RBFOX1: variants seen among roughly 807,000 people sequenced by gnomAD.
The protein encoded by RBFOX1 is RNA binding fox-1 homolog 1.
Under a neutral mutation model 57.7 loss-of-function variants are expected in RBFOX1, and 8 were observed. That is an observed-to-expected ratio of 0.14 (90% CI 0.08 to 0.25). The LOEUF is 0.25. Ranked by LOEUF, RBFOX1 falls within the 10% of genes least tolerant of loss-of-function variation. The probability of loss-of-function intolerance (pLI) is 1.00; values close to 1 mark genes in which losing one functional copy is unlikely to be tolerated. For synonymous variants in RBFOX1, 326 were observed against 222.4 expected, an observed-to-expected ratio of 1.47 and a Z score of -4.15; for missense variants, 611 against 548.5, an observed-to-expected ratio of 1.11 and a Z score of -1.14.
At chr16:7,300,524 C>G (rs960752551) in intron 4 of RBFOX1, among the ~76,000 whole-genome samples, 6 of 152,148 alleles carry the variant, frequency 3.9e-5, no homozygotes, top group African/African-American at 1.2e-4. Flanking sequence ...TGAGCTAACC[C>G]CAGTATAGAT....
At chr16:7,226,919 C>T (rs934156280) in intron 4 of RBFOX1, among the ~76,000 whole-genome samples, 5 of 152,110 alleles carry the variant, frequency 3.3e-5, no homozygotes, top group Non-Finnish European at 4.4e-5. Context: ...ATCTGTGTGT[C>T]TATATGTATG....
chr16:7,530,694 C>T (rs546881432), intron 5 of RBFOX1, among the ~76,000 whole-genome samples: 1 of 152,120 alleles, frequency 6.6e-6, no homozygotes, highest in Non-Finnish European at 1.5e-5. Flanking sequence ...AATGTGGAGC[C>T]TGCCAAATTG....
rs1049449642 is a variant in RBFOX1 at position 6,023,593 on chromosome 16, C to T, written c.-127+3601C>T. ...TTTGACACAGAAAATACTTTGGAGA[C>T]GCAGCGATTTCCCAGTGGCGTGTAA... On this transcript the variant is annotated intron_variant, in intron 1 of 15. Transcript: ENST00000550418. 1.1e-4 allele frequency among the ~76,000 whole-genome samples: 16 copies of T among 152,260 alleles called. No individual in the cohort carries two copies. In the East Asian group the frequency reaches 1.7e-3, roughly 17 times the overall value.
At chr16:7,626,435 C>A (rs1279296980) in intron 10 of RBFOX1, among the ~76,000 whole-genome samples, 1 of 152,194 alleles carries the variant, frequency 6.6e-6, no homozygotes, top group Non-Finnish European at 1.5e-5. Context: ...GGCTGTGGGA[C>A]ATCTTGCCAG....
chr16:6,391,556 T>C (rs975508798), intron 2 of RBFOX1, among the ~76,000 whole-genome samples: 2 of 151,944 alleles, frequency 1.3e-5, no homozygotes, highest in Non-Finnish European at 2.9e-5. Flanking sequence ...GATTCACATT[T>C]TTAAAGATCA....
At chr16:5,366,774 T>C in intron 1 of RBFOX1, 1 of 282,806 alleles carries the variant, frequency 3.5e-6, no homozygotes, top group South Asian at 3.9e-5. Flanking sequence ...CTTTTTGTAA[T>C]GCAGAGTGAT....
intron 2 of RBFOX1, among the ~76,000 whole-genome samples, chr16:6,647,708 A>C (rs1480447062): frequency 1.3e-5 from 2 of 152,120 alleles, no homozygotes; most frequent in African/African-American, 4.8e-5. Context: ...GTTGATTCTG[A>C]TTCGATGTAT....
At chr16:6,491,643 T>G (rs8051198) in intron 2 of RBFOX1, among the ~76,000 whole-genome samples, 53,134 of 152,022 alleles carry the variant, frequency 0.35, 9,908 homozygotes, top group Non-Finnish European at 0.43. Flanking sequence ...TTCCCAGATG[T>G]GCATTATTGG....
At chr16:7,146,826 T>C (rs2152224900) in intron 4 of RBFOX1, among the ~76,000 whole-genome samples, 1 of 150,106 alleles carries the variant, frequency 6.7e-6, no homozygotes, top group South Asian at 2.2e-4. Context: ...GGCACATGCC[T>C]GTAGTCCCAG....
intron 3 of RBFOX1, among the ~76,000 whole-genome samples, chr16:6,805,283 C>G (rs1178223054): frequency 6.6e-6 from 1 of 152,092 alleles, no homozygotes; most frequent in African/African-American, 2.4e-5. Context: ...CAAACTATGA[C>G]AGGAACAAAA....
intron 4 of RBFOX1, among the ~76,000 whole-genome samples, chr16:7,481,190 T>C (rs199702286): frequency 2.0e-5 from 3 of 152,270 alleles, no homozygotes; most frequent in South Asian, 2.1e-4. Flanking sequence ...CTGAGTAACA[T>C]AAATGGAACA....
At chr16:6,648,298 C>G (rs1005428787) in intron 2 of RBFOX1, among the ~76,000 whole-genome samples, 1 of 151,106 alleles carries the variant, frequency 6.6e-6, no homozygotes, top group African/African-American at 2.4e-5. Context: ...TGGACTCAAA[C>G]GATCCTCTGG....
chr16:6,282,966 C>A (rs1241152410), intron 1 of RBFOX1, among the ~76,000 whole-genome samples: 1 of 152,228 alleles, frequency 6.6e-6, no homozygotes, highest in Non-Finnish European at 1.5e-5. Context: ...AGATGAAGAA[C>A]TCTGTGTACC....
At position 7,364,459 on chromosome 16, in the gene RBFOX1, G is replaced by T. The variant is rs575737774; in HGVS notation, c.28-153688G>T. 1.4e-4 allele frequency among the ~76,000 whole-genome samples: 22 copies of T among 151,924 alleles called. No individual in the cohort carries two copies. The South Asian group carries it at 4.6e-3, about 32-fold the overall frequency. ...TTAACATTTCATTTGACCATTATTA[G>T]CAGTATCAGGTTGGGTTGCTGAGTT... On this transcript the variant is annotated intron_variant, in intron 4 of 15. Coordinates refer to ENST00000550418, the MANE Select transcript of RBFOX1 (RefSeq NM_018723.4).
chr16:5,457,809 C>T (rs1000513422), intron 1 of RBFOX1, among the ~76,000 whole-genome samples: 1 of 152,184 alleles, frequency 6.6e-6, no homozygotes, highest in Non-Finnish European at 1.5e-5. Context: ...GTCTTTCTTT[C>T]CACTGAACCA....
At chr16:5,284,757 T>A (rs1395881037) in intron 1 of RBFOX1, among the ~76,000 whole-genome samples, 26 of 24,744 alleles carry the variant, frequency 1.1e-3, no homozygotes, top group East Asian at 4.3e-3. Context: ...TTGGCTTAGA[T>A]TTTTTTTTTT....
At position 5,710,722 on chromosome 16, in the gene RBFOX1, G is replaced by A. The variant is rs945226644; in HGVS notation, c.318+111761G>A. Among the ~76,000 whole-genome samples the A allele has an allele frequency of 7.9e-5, 12 of 152,228 alleles. No homozygotes were observed. The Middle Eastern group carries it at 0.02, about 259-fold the overall frequency. Reference sequence around the variant, plus strand: ...CTCAGACATGATCACTTTGTGGTCCGGAACATCTGAAGCAACATGGAGCCT... The same window carrying A: ...CTCAGACATGATCACTTTGTGGTCCAGAACATCTGAAGCAACATGGAGCCT... On this transcript the variant is annotated intron_variant, in intron 3 of 19. Coordinates refer to the RBFOX1 transcript ENST00000641259.
intron 3 of RBFOX1, among the ~76,000 whole-genome samples, chr16:6,971,211 A>C (rs1405597909): frequency 6.6e-6 from 1 of 152,140 alleles, no homozygotes; most frequent in Non-Finnish European, 1.5e-5. Flanking sequence ...AAAATATAGA[A>C]AGAGGTGTGC....
chr16:6,780,424 ATATATT>A lies in RBFOX1; in HGVS notation c.-16+125779_-16+125784del, dbSNP rs1247995399. On this transcript the variant is annotated intron_variant, in intron 3 of 15. Coordinates refer to ENST00000550418, the MANE Select transcript of RBFOX1 (RefSeq NM_018723.4). ...TTTATATATATTTATATATATTTAT[ATATATT>A]TATAGATATATTTATATATACATTT... Among the ~76,000 whole-genome samples, 253 of 116,912 alleles carry A rather than the reference ATATATT, an allele frequency of 2.2e-3. 6 individuals carry two copies. The highest frequency in any genetic ancestry group is 5.0e-3 in the African/African-American group (146 of 29,164). 76.7% of individuals were successfully genotyped at this position (116,912 alleles called of 152,430 possible). A position where few individuals can be genotyped will look rare whatever the true frequency, so the allele number is the denominator to read the frequency against.
Sources: allele counts gnomAD v4.1 joint callset (sites outside exome capture counted in the v4.1 genomes callset), GRCh38; gene constraint gnomAD v4.1.1; transcripts MANE v1.5; gene names NCBI Gene and HGNC (gene_info 2026-07-23, HGNC 2026-07-21).